HERC3: variants seen among roughly 807,000 people sequenced by gnomAD.
HERC3 encodes probable E3 ubiquitin-protein ligase HERC3.
HERC3 carries 58 observed loss-of-function variants against 129.9 expected under a neutral mutation model. The ratio of observed to expected loss-of-function variants is 0.45; its 90% CI spans 0.36 to 0.56. The LOEUF is 0.56. HERC3 is among the 20% of genes least tolerant of loss of function. The pLI, the probability that HERC3 is intolerant of heterozygous loss-of-function variation, is 0.00. For synonymous variants in HERC3, 430 were observed against 451.0 expected (o/e 0.95, Z 0.59); for missense variants, 835 against 1,244.2 (o/e 0.67, Z 4.95).
chr4:88,669,762 T>G, intron 14 of HERC3, 98 bp from the exon 15 acceptor site: 1 of 1,023,194 alleles, frequency 9.8e-7, no homozygotes, highest in Non-Finnish European at 1.4e-6. Context: ...AGACTAATGT[T>G]TATCTTCTAG....
At chr4:88,529,526 C>T in the HERC3 span, among the ~76,000 whole-genome samples, 1 of 152,114 alleles carries the variant, frequency 6.6e-6, no homozygotes. Context: ...GAGGCCAAGG[C>T]CGGTGGATCA....
intron 22 of HERC3, 102 bp downstream of exon 22, chr4:88,686,904 G>C: frequency 1.1e-6 from 1 of 917,736 alleles, no homozygotes; most frequent in Non-Finnish European, 1.7e-6. Flanking sequence ...AAAAAAGTCA[G>C]AGACTTCTTT....
At chr4:88,699,517 T>C (rs1345017931) in intron 23 of HERC3, among the ~76,000 whole-genome samples, 1 of 149,878 alleles carries the variant, frequency 6.7e-6, no homozygotes, top group Non-Finnish European at 1.5e-5. Context: ...ATCATCTCTT[T>C]TGATGGCTAC....
At chr4:88,671,440 A>G (rs951803895) in intron 16 of HERC3, among the ~76,000 whole-genome samples, 3 of 152,200 alleles carry the variant, frequency 2.0e-5, no homozygotes, top group Non-Finnish European at 4.4e-5. Flanking sequence ...TGCTAGACAC[A>G]ATGTTGTATT....
chr4:88,617,671 A>G (rs1725063257), intron 3 of HERC3, among the ~76,000 whole-genome samples: 1 of 152,148 alleles, frequency 6.6e-6, no homozygotes, highest in Non-Finnish European at 1.5e-5. Context: ...GGAGATCGAG[A>G]CCATCCTGGC....
chr4:88,685,726 C>A (rs1357410083), intron 21 of HERC3, among the ~76,000 whole-genome samples: 1 of 151,890 alleles, frequency 6.6e-6, no homozygotes, highest in African/African-American at 2.4e-5. Flanking sequence ...TGTAACAAAC[C>A]TGCACGTTCT....
intron 2 of HERC3, among the ~76,000 whole-genome samples, chr4:88,603,846 A>G (rs548504158): frequency 6.6e-5 from 10 of 152,210 alleles, no homozygotes; most frequent in Non-Finnish European, 1.5e-4. Flanking sequence ...TTTCTGTTGT[A>G]GAAAAAATAC....
chr4:88,598,901 T>G (rs908388034), intron 2 of HERC3, among the ~76,000 whole-genome samples: 1 of 152,160 alleles, frequency 6.6e-6, no homozygotes, highest in Non-Finnish European at 1.5e-5. Flanking sequence ...TCCTTTTGTT[T>G]TGTCATGGGG....
chr4:88,669,819 A>C, intron 14 of HERC3, 41 bp from the exon 15 acceptor site: 1 of 1,563,206 alleles, frequency 6.4e-7, no homozygotes, highest in African/African-American at 1.4e-5. Context: ...ATACTTGCCC[A>C]AGATTACATG....
At chr4:88,641,989 G>A (rs1030742098) in intron 3 of HERC3, among the ~76,000 whole-genome samples, 9 of 151,578 alleles carry the variant, frequency 5.9e-5, no homozygotes, top group African/African-American at 2.2e-4. Context: ...AATTAACTTG[G>A]GCATGCTGGT....
chr4:88,571,648 G>A, the HERC3 span, among the ~76,000 whole-genome samples: 2 of 152,222 alleles, frequency 1.3e-5, no homozygotes, highest in Non-Finnish European at 2.9e-5. Flanking sequence ...TTCCTGATAG[G>A]CCTTTGACGT....
the HERC3 span, among the ~76,000 whole-genome samples, chr4:88,574,597 C>T: frequency 6.6e-6 from 1 of 152,328 alleles, no homozygotes; most frequent in African/African-American, 2.4e-5. Flanking sequence ...CCTCTTCCTC[C>T]AGGCCCTGAC....
intron 10 of HERC3, among the ~76,000 whole-genome samples, chr4:88,661,320 TTATCAA>T (rs1373232960): frequency 6.6e-6 from 1 of 152,232 alleles, no homozygotes; most frequent in Non-Finnish European, 1.5e-5. Context: ...AGTAGAATAG[TTATCAA>T]TAACCAGATG....
chr4:88,677,772 G>T (rs1377189729), intron 18 of HERC3, among the ~76,000 whole-genome samples, 192 bp from the exon 19 acceptor site: 1 of 152,120 alleles, frequency 6.6e-6, no homozygotes, highest in Non-Finnish European at 1.5e-5. Flanking sequence ...GTTAATTTCT[G>T]TGAGTCCAGA....
chr4:88,527,661 G>T, the HERC3 span: 1 of 292,414 alleles, frequency 3.4e-6, no homozygotes. Context: ...CCTCCCTCAT[G>T]CCGGGCAATG....
intron 3 of HERC3, among the ~76,000 whole-genome samples, chr4:88,648,114 G>GT (rs766950186): frequency 1.7e-4 from 26 of 152,034 alleles, no homozygotes; most frequent in Non-Finnish European, 3.5e-4. Context: ...TTTTCCTGAA[G>GT]TTACTGACTT....
the HERC3 span, among the ~76,000 whole-genome samples, chr4:88,574,699 A>G: frequency 6.6e-6 from 1 of 152,102 alleles, no homozygotes; most frequent in South Asian, 2.1e-4. Context: ...CTTTTATTTC[A>G]CTTTAGCATA....
chr4:88,652,204 C>A, intron 5 of HERC3, 116 bp downstream of exon 5: 1 of 748,702 alleles, frequency 1.3e-6, no homozygotes. Flanking sequence ...AGGGTCTATG[C>A]ATTGCTGTTG....
In HERC3 at chr4:88,630,572, G is replaced by T. The variant is rs114939648; in HGVS notation, c.227-19268G>T. Among the ~76,000 whole-genome samples the T allele has an allele frequency of 4.6e-3, 694 of 152,284 alleles. 2 individuals are homozygous for T. Among genetic ancestry groups the T allele is most frequent in the Middle Eastern group, 6.8e-3 (2 of 294 alleles). On this transcript the variant is annotated intron_variant, in intron 3 of 25. Transcript: ENST00000402738. ...GCCGGTGCTGTAGTTTTACAGAAAA[G>T]GAAAGATCTGTGAAGGATAAAGCAT...
Sources: allele counts gnomAD v4.1 joint callset (sites outside exome capture counted in the v4.1 genomes callset), GRCh38; gene constraint gnomAD v4.1.1; transcripts MANE v1.5; gene names NCBI Gene and HGNC (gene_info 2026-07-23, HGNC 2026-07-21).